Variants in NUGGC observed in about 807,000 individuals in gnomAD.
The protein encoded by NUGGC is nuclear GTPase SLIP-GC.
A neutral mutation model predicts 92.6 loss-of-function variants in NUGGC; 58 were observed. That is an observed-to-expected ratio of 0.63 (90% CI 0.51 to 0.78). The LOEUF (loss-of-function observed/expected upper bound fraction) is 0.78, where lower values mean the gene tolerates loss of function less well. Ranked by LOEUF, NUGGC falls within the 30% of genes least tolerant of loss-of-function variation. The pLI is 0.00. For missense variants in NUGGC, 925 were observed against 964.6 expected (o/e 0.96, Z 0.54); for synonymous variants, 376 against 366.4 (o/e 1.03, Z -0.30).
At chr8:28,082,648 A>G (rs952155766) in intron 1 of NUGGC, among the ~76,000 whole-genome samples, 1 of 152,232 alleles carries the variant, frequency 6.6e-6, no homozygotes, top group Non-Finnish European at 1.5e-5. Context: ...CATGCCTGTA[A>G]TCCCAGCACT....
rs1810535586 is a variant in NUGGC at position 28,069,644 on chromosome 8, A to G, written c.157T>C (p.Leu53=). 1.3e-6 allele frequency: 2 copies of G among 1,593,532 alleles called. No individual in the cohort carries two copies. The highest frequency in any genetic ancestry group is 1.7e-4 in the Middle Eastern group (1 of 6,040). ...AAAACCCTTCTGGTCCGTGATTCCA[A>G]TTTTTCATCTGGAATTAACAGAGAG... is the stretch of plus-strand genomic sequence containing the variant. The part of the protein sequence containing the change: ...EQSALKEYEK[L]ESRTRRVLSN... Residue 53 remains leucine, a synonymous_variant, in exon 4 of 19, where the codon TTG becomes CTG. Transcript: ENST00000413272.
chr8:28,033,528 G>C lies in NUGGC; in HGVS notation c.1769+12C>G. Reference sequence around the variant, plus strand: ...GTTTGTTCCCGAAGGTGCAAGATGAGAGATCCTTTACCTAAAAATGCTTCC... The same window carrying C: ...GTTTGTTCCCGAAGGTGCAAGATGACAGATCCTTTACCTAAAAATGCTTCC... On this transcript the variant is annotated intron_variant, in intron 14 of 18. Coordinates refer to ENST00000413272, the MANE Select transcript of NUGGC (RefSeq NM_001010906.2). 6.2e-7 allele frequency: 1 copy of C among 1,610,212 alleles called. No homozygotes were observed. Among genetic ancestry groups the C allele is most frequent in the Non-Finnish European group, 8.5e-7 (1 of 1,178,356 alleles).
chr8:28,037,534 C>T lies in NUGGC; in HGVS notation c.1611+3517G>A, dbSNP rs1809586695. Among the ~76,000 whole-genome samples, 3 of 152,308 alleles carry T rather than the reference C, an allele frequency of 2.0e-5. No individual in the cohort carries two copies. The South Asian group carries it at 6.2e-4, about 32-fold the overall frequency. ...TGGCCTGCGATTTCTTTTCCAATAT[C>T]CATCCCTCCTGCTTCACTGTTGCCT... is the stretch of plus-strand genomic sequence containing the variant. On this transcript the variant is annotated intron_variant, in intron 13 of 18. Coordinates refer to ENST00000413272, the MANE Select transcript of NUGGC (RefSeq NM_001010906.2).
At chr8:28,081,490 T>G (rs1163043656) in intron 1 of NUGGC, among the ~76,000 whole-genome samples, 2 of 152,134 alleles carry the variant, frequency 1.3e-5, no homozygotes, top group African/African-American at 4.8e-5. Context: ...TCTGTTAGTC[T>G]TTGGGGAACA....
rs907639735 is a variant in NUGGC, at chr8:28,023,361, T to C, written c.2347A>G (p.Arg783Gly). ...GGGCCAGCCTTGCTGGGGGATGCCC[T>C]TAGGAGGAATTCTTGCATGCCCTTC... ...LRKGMQEFLLRASPSKAGPPG... is the reference protein window; with the variant it reads ...LRKGMQEFLLGASPSKAGPPG... The change falls in exon 19 of 19, where the codon AGG becomes GGG. Residue 783 changes from arginine to glycine, a missense_variant. Coordinates refer to ENST00000413272, the MANE Select transcript of NUGGC (RefSeq NM_001010906.2). The C allele has an allele frequency of 1.9e-6, 3 of 1,613,820 alleles. No individual in the cohort carries two copies. The African/African-American group carries it at 4.0e-5, about 22-fold the overall frequency.
At chr8:28,067,405 T>C (rs1810463330) in intron 6 of NUGGC, 109 bp downstream of exon 6, 1 of 714,778 alleles carries the variant, frequency 1.4e-6, no homozygotes, top group East Asian at 2.7e-5. Flanking sequence ...TAGCAACTTA[T>C]TTCTTATTTC....
At chr8:28,060,368 G>C in intron 8 of NUGGC, 58 bp downstream of exon 8, 1 of 1,503,666 alleles carries the variant, frequency 6.7e-7, no homozygotes, top group East Asian at 2.3e-5. Flanking sequence ...CTGTAGTCAG[G>C]ACCCACAGAG....
intron 17 of NUGGC, 132 bp from the exon 18 acceptor site, chr8:28,027,184 C>T (rs1809285913): frequency 1.4e-6 from 1 of 694,826 alleles, no homozygotes; most frequent in South Asian, 1.6e-5. Flanking sequence ...GGCTTTGCAA[C>T]CCAGTTGCAA....
Position 28,023,279 on chromosome 8 carries a change from G to A in NUGGC, c.*38C>T, listed in dbSNP as rs1239654351. 6.3e-7 allele frequency: 1 copy of A among 1,595,356 alleles called. No individual in the cohort carries two copies. The highest frequency in any genetic ancestry group is 1.3e-5 in the African/African-American group (1 of 74,318). On this transcript the variant is annotated 3_prime_UTR_variant, in exon 19 of 19. Transcript: ENST00000413272. ...AAAGTAATTCTAATTCTCTGGCTCT[G>A]GGCTGATTTTTCATCCATTGGGACT...
intron 15 of NUGGC, among the ~76,000 whole-genome samples, chr8:28,030,679 A>G (rs573676758): frequency 6.6e-6 from 1 of 152,344 alleles, no homozygotes; most frequent in East Asian, 1.9e-4. Flanking sequence ...ACTCAGGCAC[A>G]GGCAACGTCC....
intron 18 of NUGGC, among the ~76,000 whole-genome samples, chr8:28,023,962 GTC>G (rs1196710968): frequency 6.6e-5 from 10 of 152,198 alleles, no homozygotes; most frequent in African/African-American, 2.4e-4. Context: ...TTAAACGTGA[GTC>G]TGGATGCCTC....
intron 3 of NUGGC, 168 bp from the exon 4 acceptor site, chr8:28,069,820 G>T: frequency 1.7e-6 from 1 of 599,586 alleles, no homozygotes; most frequent in Non-Finnish European, 3.0e-6. Flanking sequence ...GCGGCTCACT[G>T]GAGATAGCAA....
At chr8:28,061,153 A>G (rs1420142880) in intron 7 of NUGGC, among the ~76,000 whole-genome samples, 2 of 152,200 alleles carry the variant, frequency 1.3e-5, no homozygotes, top group South Asian at 2.1e-4. Context: ...TTCCAGAACT[A>G]GGTTTGGTGG....
intron 10 of NUGGC, among the ~76,000 whole-genome samples, chr8:28,053,497 AG>A (rs1810058485): frequency 6.6e-6 from 1 of 151,508 alleles, no homozygotes; most frequent in South Asian, 2.1e-4. Context: ...AAAAAAAAAA[AG>A]TTCCAAACAA....
chr8:28,045,073 T>C (rs1305377526), intron 12 of NUGGC, among the ~76,000 whole-genome samples: 3 of 152,216 alleles, frequency 2.0e-5, no homozygotes, highest in Non-Finnish European at 4.4e-5. Flanking sequence ...CCTCCAAGCT[T>C]CCATCCTCTC....
Position 28,033,655 on chromosome 8 carries a change from C to T in NUGGC, c.1654G>A (p.Val552Ile). ...NQGFHQTLKA[V>I]CLKNGIYASR... is the part of the protein sequence containing the mutation. ...GCATAGATGCCATTTTTCAGGCAAA[C>T]AGCTTTCAGGGTCTGATGAAAACCT... is the stretch of plus-strand genomic sequence containing the variant. The change falls in exon 14 of 19, where the codon GTT (valine) becomes ATT (isoleucine). Residue 552 changes from valine (V) to isoleucine (I), a missense_variant. Val to Ile is a conservative substitution (Grantham distance 29). Transcript: ENST00000413272. The T allele has an allele frequency of 6.2e-7, 1 of 1,613,952 alleles. No homozygotes were observed.
At chr8:28,029,622 G>A (rs111559796) in intron 16 of NUGGC, among the ~76,000 whole-genome samples, 20 of 152,094 alleles carry the variant, frequency 1.3e-4, no homozygotes, top group African/African-American at 3.6e-4. Flanking sequence ...CCGTGTGCAC[G>A]CCTGTAATCC....
chr8:28,029,376 C>A lies in NUGGC; in HGVS notation c.2044G>T (p.Ala682Ser), dbSNP rs1554484047. 2.5e-6 allele frequency: 4 copies of A among 1,612,574 alleles called. No homozygotes were observed. Among genetic ancestry groups the A allele is most frequent in the African/African-American group, 1.3e-5 (1 of 75,014 alleles). The change falls in exon 17 of 19, where the codon GCG becomes TCG. Residue 682 changes from alanine to serine, a missense_variant. By Grantham distance (99) the Ala-to-Ser change is moderately conservative. Coordinates refer to ENST00000413272, the MANE Select transcript of NUGGC (RefSeq NM_001010906.2). ...ATGGCATCTTTCATCCGCTCACACGCTTTTTTGCCCGTGATCTGAGCTGCC... is the reference window on the plus strand; with the variant it reads ...ATGGCATCTTTCATCCGCTCACACGATTTTTTGCCCGTGATCTGAGCTGCC... Reference protein sequence around the residue: ...EEAAQITGKKACERMKDAIRR... With the variant: ...EEAAQITGKKSCERMKDAIRR...
chr8:28,058,706 A>ATTT (rs35352060), intron 8 of NUGGC, among the ~76,000 whole-genome samples: 1 of 146,254 alleles, frequency 6.8e-6, no homozygotes, highest in Non-Finnish European at 1.5e-5. Flanking sequence ...AATTATGTTA[A>ATTT]TTTTTTTTTT....
Sources: gnomAD v4.1 joint callset for allele counts (sites outside exome capture counted in the v4.1 genomes callset) on GRCh38, gnomAD v4.1.1 for gene constraint, MANE v1.5 for transcripts, NCBI Gene and HGNC (gene_info 2026-07-23, HGNC 2026-07-21) for gene names.